The following CDH19 variants were observed in gnomAD, a reference collection of about 807,000 sequenced individuals.
CDH19 encodes the protein cadherin 19, also known as cadherin-19.
In CDH19, 67 loss-of-function variants were observed where a neutral mutation model predicts 64.2. The observed-to-expected ratio is 1.04, with a 90% CI of 0.86 to 1.28. The LOEUF (loss-of-function observed/expected upper bound fraction) is 1.28, where lower values mean the gene tolerates loss of function less well. CDH19 is among the 50% of genes most tolerant of loss of function. The probability of loss-of-function intolerance (pLI) is 0.00; values close to 1 mark genes in which losing one functional copy is unlikely to be tolerated. For missense variants in CDH19, 1,030 were observed against 929.0 expected (o/e 1.11, Z -1.41); for synonymous variants, 346 against 319.3 (o/e 1.08, Z -0.89).
chr18:66,505,358 T>A (rs984254398), intron 11 of CDH19, 56 bp from the exon 12 acceptor site: 89 of 1,324,624 alleles, frequency 6.7e-5, no homozygotes, highest in Non-Finnish European at 8.6e-5. Flanking sequence ...TTATAAACAT[T>A]ACAGTCTTTG....
At position 66,544,019 on chromosome 18, in the gene CDH19, A is replaced by G. The variant is rs776883723; in HGVS notation, c.1166T>C (p.Val389Ala). 9.3e-6 allele frequency: 15 copies of G among 1,613,742 alleles called. No individual in the cohort carries two copies. In the Admixed American group the frequency reaches 2.3e-4, roughly 25 times the overall value. The change falls in exon 7 of 12, where the codon GTA becomes GCA. Residue 389 changes from valine (V) to alanine (A), a missense_variant. Val to Ala is a moderately conservative substitution (Grantham distance 64, BLOSUM62 0). Transcript: ENST00000262150. ...VFEETPQGSF[V>A]GVVSATDPDN... ...TGGGTCTGTGGCAGACACCACGCCTACAAATGATCCCTGTGGGGTTTCTTC... is the reference window on the plus strand; with the variant it reads ...TGGGTCTGTGGCAGACACCACGCCTGCAAATGATCCCTGTGGGGTTTCTTC...
chr18:66,579,554 T>C lies in CDH19; in HGVS notation c.-112-7238A>G, dbSNP rs575014233. On this transcript the variant is annotated intron_variant, in intron 1 of 11. Coordinates refer to ENST00000262150, the MANE Select transcript of CDH19 (RefSeq NM_021153.4). ...CCACAAGGTCTGAATATACAATAAA[T>C]TTTAAAAAAGCATTGATCTACCACA... Among the ~76,000 whole-genome samples, 6 of 151,998 alleles carry C rather than the reference T, an allele frequency of 3.9e-5. No individual in the cohort carries two copies. The East Asian group carries it at 1.2e-3, about 29-fold the overall frequency.
At chr18:66,505,823 T>C (rs1040386391) in intron 11 of CDH19, among the ~76,000 whole-genome samples, 4 of 151,830 alleles carry the variant, frequency 2.6e-5, no homozygotes, top group Middle Eastern at 3.2e-3. Flanking sequence ...CTATGAAGCA[T>C]ACATCAGGCA....
chr18:66,587,656 T>C (rs755672941), intron 1 of CDH19, among the ~76,000 whole-genome samples: 27 of 152,174 alleles, frequency 1.8e-4, no homozygotes, highest in African/African-American at 5.3e-4. Context: ...CTATGAATAA[T>C]TGTCTCGTCT....
rs769621720 is a variant in CDH19, at chr18:66,544,034, G to A, written c.1151C>T (p.Pro384Leu). The change falls in exon 7 of 12, where the codon CCA becomes CTA. Residue 384 changes from proline to leucine, a missense_variant. By Grantham distance (98) the Pro-to-Leu change is moderately conservative (BLOSUM62 -3). Transcript: ENST00000262150. ...CACCACGCCTACAAATGATCCCTGT[G>A]GGGTTTCTTCAAAAACTTCAAATAC... ...YYVFEVFEET[P>L]QGSFVGVVSA... is the part of the protein sequence containing the mutation. 19 of 1,613,402 alleles carry A rather than the reference G, an allele frequency of 1.2e-5. No individual in the cohort carries two copies. The East Asian group carries it at 3.8e-4, about 32-fold the overall frequency.
chr18:66,576,341 A>C (rs1419579611), intron 1 of CDH19, among the ~76,000 whole-genome samples: 1 of 151,486 alleles, frequency 6.6e-6, no homozygotes, highest in Non-Finnish European at 1.5e-5. Flanking sequence ...AGAATGAAAA[A>C]CATATATCTT....
chr18:66,598,170 G>A (rs1252778938), intron 1 of CDH19, among the ~76,000 whole-genome samples: 10 of 152,120 alleles, frequency 6.6e-5, no homozygotes, highest in Admixed American at 6.6e-4. Flanking sequence ...AATTTGCATA[G>A]AAAAGGGAAT....
intron 4 of CDH19, among the ~76,000 whole-genome samples, chr18:66,551,721 C>A (rs1987351081): frequency 6.6e-6 from 1 of 151,876 alleles, no homozygotes; most frequent in Admixed American, 6.6e-5. Flanking sequence ...CTGAAGAAGA[C>A]CTGGTTGTTG....
In CDH19 at chr18:66,547,911, C is replaced by T. The variant is rs201295905; in HGVS notation, c.776-3008G>A. ...CTCGATCTCCTGACCTCGTGATCCG[C>T]CCGCCTCGGCCTCCCAAAGTGCTGG... is the stretch of plus-strand genomic sequence containing the variant. On this transcript the variant is annotated intron_variant, in intron 5 of 11. Coordinates refer to ENST00000262150, the MANE Select transcript of CDH19 (RefSeq NM_021153.4). Among the ~76,000 whole-genome samples the T allele has an allele frequency of 5.5e-4, 79 of 143,154 alleles. No individual in the cohort carries two copies. The East Asian group carries it at 0.015, about 28-fold the overall frequency. The allele number at this position is 143,154 out of a possible 152,430, so 93.9% of individuals were successfully genotyped here.
chr18:66,544,996 C>T lies in CDH19; in HGVS notation c.776-93G>A, dbSNP rs377056094. The T allele has an allele frequency of 6.6e-5, 64 of 963,012 alleles. No homozygotes were observed. The East Asian group carries it at 1.2e-3, about 18-fold the overall frequency. The allele number at this position is 963,012 out of a possible 1,614,324, so 59.7% of individuals were successfully genotyped here. A position where few individuals can be genotyped will look rare whatever the true frequency, so the allele number is the denominator to read the frequency against. ...TTGTTTGTTTGTTTGTTTGTTTTTT[C>T]GAGACGGAGTCTCATTCTGTCGCCC... On this transcript the variant is annotated intron_variant, in intron 5 of 11. Transcript: ENST00000262150.
At chr18:66,521,976 TC>T (rs1986011969) in intron 9 of CDH19, among the ~76,000 whole-genome samples, 4 of 151,618 alleles carry the variant, frequency 2.6e-5, no homozygotes, top group Admixed American at 2.0e-4. Flanking sequence ...AGACGGAGTT[TC>T]TCTCTGTCGC....
chr18:66,562,996 T>A (rs1014792960), intron 3 of CDH19, among the ~76,000 whole-genome samples: 2 of 152,128 alleles, frequency 1.3e-5, no homozygotes, highest in Admixed American at 6.6e-5. Flanking sequence ...ACTATTCTCA[T>A]GCAGATGTTT....
intron 3 of CDH19, among the ~76,000 whole-genome samples, chr18:66,566,888 C>G (rs1198824694): frequency 2.6e-5 from 4 of 151,756 alleles, no homozygotes; most frequent in African/African-American, 9.7e-5. Context: ...GCCTGACATA[C>G]GTGTTATATG....
At chr18:66,524,558 ATATATATATAT>A (rs1598979910) in intron 9 of CDH19, among the ~76,000 whole-genome samples, 4 of 140,900 alleles carry the variant, frequency 2.8e-5, no homozygotes, top group South Asian at 2.4e-4. Flanking sequence ...ATATATATAT[ATATATATATAT>A]AAACATCATC....
chr18:66,557,246 C>T (rs955077979), intron 3 of CDH19, among the ~76,000 whole-genome samples: 4 of 151,902 alleles, frequency 2.6e-5, no homozygotes, highest in Admixed American at 1.3e-4. Context: ...GCTCAGTAAC[C>T]TACTGTACAC....
intron 1 of CDH19, among the ~76,000 whole-genome samples, chr18:66,573,079 T>G (rs976264723): frequency 1.3e-5 from 2 of 151,714 alleles, no homozygotes; most frequent in African/African-American, 4.8e-5. Flanking sequence ...TATTGAGTTT[T>G]ACATTTAAAA....
At chr18:66,527,668 C>T (rs1986276017) in intron 9 of CDH19, among the ~76,000 whole-genome samples, 2 of 151,932 alleles carry the variant, frequency 1.3e-5, no homozygotes, top group East Asian at 1.9e-4. Flanking sequence ...GAGAATCAAT[C>T]GCTTGAACCC....
intron 9 of CDH19, among the ~76,000 whole-genome samples, chr18:66,520,242 G>A (rs550975804): frequency 7.3e-5 from 11 of 151,150 alleles, no homozygotes; most frequent in South Asian, 6.3e-4. Flanking sequence ...AGTTCCAATC[G>A]AAAGAGAAAT....
At chr18:66,507,523 T>G (rs775648323) in intron 11 of CDH19, among the ~76,000 whole-genome samples, 2 of 151,830 alleles carry the variant, frequency 1.3e-5, no homozygotes, top group Non-Finnish European at 2.9e-5. Flanking sequence ...AAGGTTATGC[T>G]AGATGAATAT....
Sources: allele counts gnomAD v4.1 joint callset (sites outside exome capture counted in the v4.1 genomes callset), GRCh38; gene constraint gnomAD v4.1.1; transcripts MANE v1.5; gene names NCBI Gene and HGNC (gene_info 2026-07-23, HGNC 2026-07-21).